The following LIPA variants were observed in gnomAD, a reference collection of about 807,000 sequenced individuals.
The protein encoded by LIPA is lipase A, lysosomal acid type, also known as lysosomal acid lipase/cholesteryl ester hydrolase.
LIPA carries 26 observed loss-of-function variants against 40.6 expected under a neutral mutation model. The ratio of observed to expected loss-of-function variants is 0.64; its 90% CI spans 0.47 to 0.89. The LOEUF is 0.89. LIPA is among the 40% of genes least tolerant of loss of function. LIPA has a pLI of 0.00. For synonymous variants in LIPA, 188 were observed against 168.4 expected, an observed-to-expected ratio of 1.12 and a Z score of -0.90; for missense variants, 455 against 479.6, an observed-to-expected ratio of 0.95 and a Z score of 0.48.
chr10:89,256,336 A>T (rs1434045556), upstream of LIPA, among the ~76,000 whole-genome samples: 2 of 152,240 alleles, frequency 1.3e-5, no homozygotes, highest in Non-Finnish European at 2.9e-5. Flanking sequence ...ATCAGATTAG[A>T]AACAGTATTT....
At chr10:89,332,581 A>C (rs1136860) in intron 1 of LIPA, 1 of 1,614,106 alleles carries the variant, frequency 6.2e-7, no homozygotes, top group Non-Finnish European at 8.5e-7. Context: ...AACAAAATCA[A>C]CCGGGACCCC....
intron 2 of LIPA, chr10:89,384,686 T>C (rs1209400910): frequency 4.3e-6 from 7 of 1,614,120 alleles, no homozygotes; most frequent in Admixed American, 3.3e-5. Context: ...GATGCTTTGC[T>C]GTGCTATGAG....
chr10:89,308,768 G>A (rs1843499305), intron 1 of LIPA: 1 of 152,146 alleles, frequency 6.6e-6, no homozygotes. Context: ...GTTTTTTAAA[G>A]TTAAAAATTC....
intron 3 of LIPA, among the ~76,000 whole-genome samples, chr10:89,231,007 T>C (rs1842834715): frequency 6.6e-6 from 1 of 152,196 alleles, no homozygotes; most frequent in African/African-American, 2.4e-5. Context: ...AAGCTAATTG[T>C]CAAGTGGTCA....
At chr10:89,288,208 C>A (rs571166286) in intron 1 of LIPA, among the ~76,000 whole-genome samples, 1 of 138,214 alleles carries the variant, frequency 7.2e-6, no homozygotes, top group South Asian at 2.5e-4. Flanking sequence ...CAAACCCCAA[C>A]TCCTTCTACA....
chr10:89,393,234 G>C (rs964269150), intron 2 of LIPA: 2 of 1,289,866 alleles, frequency 1.6e-6, no homozygotes, highest in Non-Finnish European at 2.0e-6. Flanking sequence ...TCCTCCATAG[G>C]CTTCTGGTCT....
chr10:89,392,819 C>A, intron 2 of LIPA: 1 of 1,226,804 alleles, frequency 8.2e-7, no homozygotes, highest in South Asian at 1.2e-5. Flanking sequence ...GTCAGGTTTT[C>A]TAATTCCTCG....
At chr10:89,242,272 C>G (rs1842973306) in intron 3 of LIPA, among the ~76,000 whole-genome samples, 1 of 152,236 alleles carries the variant, frequency 6.6e-6, no homozygotes, top group South Asian at 2.1e-4. Flanking sequence ...CATGCACATA[C>G]TGCACGAGTA....
intron 3 of LIPA, among the ~76,000 whole-genome samples, chr10:89,230,181 T>C (rs1842823086): frequency 1.3e-5 from 2 of 152,156 alleles, no homozygotes; most frequent in Admixed American, 6.5e-5. Flanking sequence ...CAAGCCTTTA[T>C]TGAGTACCAA....
intron 2 of LIPA, among the ~76,000 whole-genome samples, chr10:89,398,937 T>A (rs984275239): frequency 3.9e-5 from 6 of 152,202 alleles, no homozygotes; most frequent in African/African-American, 9.7e-5. Context: ...TGGTTAATTT[T>A]TCTGAGGAAT....
At chr10:89,388,318 A>G (rs906671740) in intron 2 of LIPA, among the ~76,000 whole-genome samples, 2 of 152,084 alleles carry the variant, frequency 1.3e-5, no homozygotes, top group African/African-American at 4.8e-5. Context: ...GTTGGCCAGC[A>G]TGGTCTCGAA....
intron 1 of LIPA, among the ~76,000 whole-genome samples, chr10:89,265,377 C>G (rs73359609): frequency 0.01 from 1,588 of 152,262 alleles, 37 homozygotes; most frequent in African/African-American, 0.036. Context: ...AGTACACAGT[C>G]CTGGTCACAC....
At chr10:89,249,339 C>T (rs1340156816) in intron 1 of LIPA, among the ~76,000 whole-genome samples, 1 of 152,156 alleles carries the variant, frequency 6.6e-6, no homozygotes, top group Non-Finnish European at 1.5e-5. Context: ...CCTAAGATCA[C>T]GCAAGTGGTC....
Position 89,223,760 on chromosome 10 carries a change from G to C in LIPA, c.746C>G (p.Thr249Ser). ...FLKWLGTHVCTHVILKELCGN... is the reference protein window; with the variant it reads ...FLKWLGTHVCSHVILKELCGN... The stretch of plus-strand genomic sequence containing the variant: ...ACAGAGCTCCTTCAGTATGACATGA[G>C]TGCAAACGTGGGTACCCAGCCACTT... Residue 249 changes from threonine (T) to serine (S), a missense_variant, in exon 7 of 10, where the codon ACT (threonine) becomes AGT (serine). By Grantham distance (58) the Thr-to-Ser change is moderately conservative. Transcript: ENST00000336233. The C allele has an allele frequency of 3.1e-6, 5 of 1,613,780 alleles. No individual in the cohort carries two copies. The highest frequency in any genetic ancestry group is 4.2e-6 in the Non-Finnish European group (5 of 1,179,682).
Position 89,214,894 on chromosome 10 carries a change from A to G in LIPA, c.1134T>C (p.Ile378=). 6.2e-7 allele frequency: 1 copy of G among 1,614,100 alleles called. No individual in the cohort carries two copies. Among genetic ancestry groups the G allele is most frequent in the South Asian group, 1.1e-5 (1 of 91,076 alleles). The change falls in exon 10 of 10, where the codon ATT becomes ATC. Residue 378 remains isoleucine, a synonymous_variant. Coordinates refer to ENST00000336233, the MANE Select transcript of LIPA (RefSeq NM_000235.4). The stretch of plus-strand genomic sequence containing the variant: ...GCCTCCAAGGGGCATCCAGGCCCCA[A>G]ATGAAGTCAAGATGCTCCCATTCCG... ...SIPEWEHLDF[I]WGLDAPWRLY... is the part of the protein sequence containing the mutation.
At chr10:89,296,525 G>C (rs1047244231) in intron 1 of LIPA, among the ~76,000 whole-genome samples, 1 of 149,384 alleles carries the variant, frequency 6.7e-6, no homozygotes, top group Non-Finnish European at 1.5e-5. Context: ...AGAAGAACTT[G>C]TAAACAGAAA....
At chr10:89,363,112 C>G in intron 2 of LIPA, 1 of 224,944 alleles carries the variant, frequency 4.4e-6, no homozygotes, top group Non-Finnish European at 9.9e-6. Context: ...ATAGATAAAG[C>G]TCTTCTGCTC....
At chr10:89,306,856 T>A (rs755045060) in intron 1 of LIPA, 1 of 1,614,034 alleles carries the variant, frequency 6.2e-7, no homozygotes, top group South Asian at 1.1e-5. Context: ...AAGTAATGAA[T>A]CTAAGAGAGA....
intron 2 of LIPA, among the ~76,000 whole-genome samples, chr10:89,366,834 C>T (rs1844060200): frequency 6.6e-6 from 1 of 152,096 alleles, no homozygotes; most frequent in Admixed American, 6.5e-5. Context: ...GGTATATACC[C>T]AAAGGATTAT....
Sources: gnomAD v4.1 joint callset for allele counts (sites outside exome capture counted in the v4.1 genomes callset) on GRCh38, gnomAD v4.1.1 for gene constraint, MANE v1.5 for transcripts, NCBI Gene and HGNC (gene_info 2026-07-23, HGNC 2026-07-21) for gene names.